AGBL1: variants seen among roughly 807,000 people sequenced by gnomAD.
The protein encoded by AGBL1 is AGBL carboxypeptidase 1, also known as cytosolic carboxypeptidase 4.
AGBL1 carries 130 observed loss-of-function variants against 118.9 expected under a neutral mutation model. The ratio of observed to expected loss-of-function variants is 1.09; its 90% CI spans 0.95 to 1.26. AGBL1 has a LOEUF of 1.26. Among genes scored for constraint, AGBL1 ranks in the 50% most tolerant of loss-of-function variants. AGBL1 has a pLI of 0.00. For synonymous variants in AGBL1, 555 were observed against 478.9 expected, an observed-to-expected ratio of 1.16 and a Z score of -2.08; for missense variants, 1,584 against 1,298.1, an observed-to-expected ratio of 1.22 and a Z score of -3.38.
intron 18 of AGBL1, among the ~76,000 whole-genome samples, chr15:86,424,118 C>A (rs2081832288): frequency 6.6e-6 from 1 of 152,260 alleles, no homozygotes; most frequent in East Asian, 1.9e-4. Context: ...ATCATGCTAC[C>A]TGACTTCAAT....
intron 18 of AGBL1, among the ~76,000 whole-genome samples, chr15:86,468,490 C>A (rs1201680290): frequency 1.3e-5 from 2 of 152,138 alleles, no homozygotes; most frequent in Non-Finnish European, 2.9e-5. Context: ...AGGGGCAGGT[C>A]ACCTTCCCCA....
At chr15:86,570,679 A>C (rs1335817073) in intron 21 of AGBL1, among the ~76,000 whole-genome samples, 1 of 152,170 alleles carries the variant, frequency 6.6e-6, no homozygotes, top group East Asian at 1.9e-4. Context: ...CTTGGTCCAC[A>C]AACTATTTTT....
At chr15:86,175,686 G>T (rs1008890660) in intron 5 of AGBL1, among the ~76,000 whole-genome samples, 1 of 151,912 alleles carries the variant, frequency 6.6e-6, no homozygotes, top group African/African-American at 2.4e-5. Context: ...ACAGATTTTG[G>T]TATGTTGTAA....
chr15:86,273,832 G>T (rs2079200041), intron 15 of AGBL1, among the ~76,000 whole-genome samples: 1 of 152,184 alleles, frequency 6.6e-6, no homozygotes, highest in African/African-American at 2.4e-5. Context: ...ACCTGAGTAT[G>T]TTTATAGAAG....
intron 21 of AGBL1, among the ~76,000 whole-genome samples, chr15:86,667,736 C>T (rs2085672282): frequency 6.6e-6 from 1 of 152,140 alleles, no homozygotes. Context: ...GACTACCATA[C>T]TATCTGAGTT....
At chr15:86,485,684 A>C (rs1397919773) in intron 18 of AGBL1, among the ~76,000 whole-genome samples, 1 of 152,162 alleles carries the variant, frequency 6.6e-6, no homozygotes. Context: ...CTCATGGGCT[A>C]TACAAAAGCA....
intron 22 of AGBL1, among the ~76,000 whole-genome samples, chr15:86,861,318 A>G (rs1241143115): frequency 6.6e-6 from 1 of 152,212 alleles, no homozygotes; most frequent in Non-Finnish European, 1.5e-5. Flanking sequence ...TCCAGCAGCT[A>G]CAAATGATGA....
intron 18 of AGBL1, among the ~76,000 whole-genome samples, chr15:86,432,163 C>A (rs1240973624): frequency 6.6e-6 from 1 of 152,220 alleles, no homozygotes; most frequent in Non-Finnish European, 1.5e-5. Flanking sequence ...TTCTGACAAA[C>A]AACTACATAC....
At chr15:86,902,030 G>T (rs554829049) in intron 22 of AGBL1, among the ~76,000 whole-genome samples, 1 of 151,114 alleles carries the variant, frequency 6.6e-6, no homozygotes, top group African/African-American at 2.4e-5. Flanking sequence ...TGGACATTTT[G>T]ATGTTTCCAG....
intron 21 of AGBL1, among the ~76,000 whole-genome samples, chr15:86,601,136 T>G (rs1441510095): frequency 1.3e-5 from 2 of 152,024 alleles, no homozygotes; most frequent in African/African-American, 4.8e-5. Context: ...GTTGACAGAG[T>G]TGTTTGTTGT....
At chr15:86,894,792 G>C (rs888673176) in intron 22 of AGBL1, among the ~76,000 whole-genome samples, 1 of 152,124 alleles carries the variant, frequency 6.6e-6, no homozygotes, top group Non-Finnish European at 1.5e-5. Flanking sequence ...CCAACAAAGT[G>C]CTCAAACAAG....
chr15:86,418,677 C>A (rs1303775254), intron 18 of AGBL1, among the ~76,000 whole-genome samples: 1 of 152,162 alleles, frequency 6.6e-6, no homozygotes, highest in East Asian at 1.9e-4. Context: ...TAAGGGTGGG[C>A]TAAGCCACTG....
chr15:86,113,532 T>A (rs1312426752), intron 1 of AGBL1, among the ~76,000 whole-genome samples: 1 of 152,000 alleles, frequency 6.6e-6, no homozygotes, highest in Admixed American at 6.6e-5. Flanking sequence ...GTGGTCCACC[T>A]GCCTTGGCCT....
At chr15:86,845,833 A>AC (rs2079309846) in intron 22 of AGBL1, among the ~76,000 whole-genome samples, 1 of 152,136 alleles carries the variant, frequency 6.6e-6, no homozygotes, top group African/African-American at 2.4e-5. Flanking sequence ...GTAAATATTT[A>AC]CCCATTGTTC....
chr15:86,972,105 A>T (rs960226027), intron 23 of AGBL1, among the ~76,000 whole-genome samples: 54 of 152,040 alleles, frequency 3.6e-4, no homozygotes, highest in African/African-American at 1.2e-3. Flanking sequence ...GCAATACAAA[A>T]ACGAACTAAT....
chr15:86,487,577 T>C (rs2082729393), intron 18 of AGBL1, among the ~76,000 whole-genome samples: 1 of 151,984 alleles, frequency 6.6e-6, no homozygotes, highest in Non-Finnish European at 1.5e-5. Context: ...ACTTTTTTTT[T>C]TTTAAAGGAA....
chr15:86,983,783 A>G (rs1016123995), intron 23 of AGBL1, among the ~76,000 whole-genome samples: 1 of 152,198 alleles, frequency 6.6e-6, no homozygotes, highest in Non-Finnish European at 1.5e-5. Context: ...TATAAATACA[A>G]TCGTACATTA....
intron 23 of AGBL1, among the ~76,000 whole-genome samples, chr15:86,927,140 AAAATAAATAAAT>A (rs143358243): frequency 3.3e-5 from 5 of 151,476 alleles, no homozygotes; most frequent in African/African-American, 7.3e-5. Flanking sequence ...CTCCATCTTA[AAAATAAATAAAT>A]AAATAAATAA....
At chr15:86,512,359 A>G (rs548627402) in intron 18 of AGBL1, among the ~76,000 whole-genome samples, 47 of 151,956 alleles carry the variant, frequency 3.1e-4, no homozygotes, top group Non-Finnish European at 2.9e-5. Context: ...GAATTTGTCT[A>G]TACCTCTATA....
Sources: allele counts gnomAD v4.1 joint callset (sites outside exome capture counted in the v4.1 genomes callset), GRCh38; gene constraint gnomAD v4.1.1; transcripts MANE v1.5; gene names NCBI Gene and HGNC (gene_info 2026-07-23, HGNC 2026-07-21).